The following PPM1G variants were observed in gnomAD, a reference collection of about 807,000 sequenced individuals.
PPM1G encodes the protein protein phosphatase, Mg2+/Mn2+ dependent 1G.
A neutral mutation model predicts 59.4 loss-of-function variants in PPM1G; 12 were observed. The observed-to-expected ratio is 0.20, with a 90% confidence interval of 0.13 to 0.33. PPM1G has a LOEUF of 0.33. PPM1G is among the 10% of genes least tolerant of loss of function. The pLI, the probability that PPM1G is intolerant of heterozygous loss-of-function variation, is 1.00. For missense variants in PPM1G, 392 were observed against 681.3 expected, an observed-to-expected ratio of 0.58 and a Z score of 4.73; for synonymous variants, 245 against 251.9, an observed-to-expected ratio of 0.97 and a Z score of 0.26.
In PPM1G at chr2:27,383,595, G is replaced by T. The variant is rs2148417683; in HGVS notation, c.972C>A (p.Gly324=). Residue 324 remains glycine, a synonymous_variant, in exon 7 of 10, where the codon GGC becomes GGA. Transcript: ENST00000344034. The surrounding 1 kb of genome is among the most constrained non-coding windows in gnomAD (Gnocchi z 5.0). ...CCACCGCTGTTGTACCACTGTCAGA[G>T]CCAGGCTTAAGAGGAAGAAAAGGAG... ...VPGMEGKEEP[G]SDSGTTAVVA... The T allele has an allele frequency of 6.2e-7, 1 of 1,612,176 alleles. No individual in the cohort carries two copies. The highest frequency in any genetic ancestry group is 1.7e-4 in the Middle Eastern group (1 of 6,058).
chr2:27,394,940 A>AATG (rs1684009419), intron 1 of PPM1G, among the ~76,000 whole-genome samples: 1 of 151,888 alleles, frequency 6.6e-6, no homozygotes, highest in Non-Finnish European at 1.5e-5. Flanking sequence ...TAATAATAAT[A>AATG]AAAATAAAAC....
chr2:27,384,252 C>A lies in PPM1G; in HGVS notation c.826-160G>T, dbSNP rs1266113329. ...AAATTGGGGGGATGGAAAGGGCTAGCATGAGTACAACTGACATCCTGAACT... is the reference window on the plus strand; with the variant it reads ...AAATTGGGGGGATGGAAAGGGCTAGAATGAGTACAACTGACATCCTGAACT... On this transcript the variant is annotated intron_variant, in intron 5 of 9. Transcript: ENST00000344034. The surrounding 1 kb of genome is among the most constrained non-coding windows in gnomAD (Gnocchi z 4.8). Among the ~76,000 whole-genome samples, 2 of 152,192 alleles carry A rather than the reference C, an allele frequency of 1.3e-5. No homozygotes were observed. Among genetic ancestry groups the A allele is most frequent in the African/African-American group, 4.8e-5 (2 of 41,442 alleles).
intron 1 of PPM1G, among the ~76,000 whole-genome samples, chr2:27,391,129 G>A (rs1315429946): frequency 6.6e-6 from 1 of 152,170 alleles, no homozygotes; most frequent in Non-Finnish European, 1.5e-5. Flanking sequence ...TATTGTGAAT[G>A]GTGCCACAAT....
intron 1 of PPM1G, among the ~76,000 whole-genome samples, chr2:27,409,004 G>A (rs796161524): frequency 2.0e-5 from 3 of 152,332 alleles, no homozygotes; most frequent in African/African-American, 7.2e-5. Context: ...TGAGCCTGGA[G>A]GGCTAGGTTG....
At position 27,383,049 on chromosome 2, in the gene PPM1G, T is replaced by G. The variant is rs1209438037; in HGVS notation, c.1201+317A>C. Among the ~76,000 whole-genome samples, 3 of 151,906 alleles carry G rather than the reference T, an allele frequency of 2.0e-5. No homozygotes were observed. Among genetic ancestry groups the G allele is most frequent in the Non-Finnish European group, 2.9e-5 (2 of 67,962 alleles). ...TGGGGTTTCACCATGTTGGCCAGGC[T>G]GGCCTCGAACTCCTGACCTCAGGCG... On this transcript the variant is annotated intron_variant, in intron 7 of 9. Coordinates refer to ENST00000344034, the MANE Select transcript of PPM1G (RefSeq NM_177983.3). This position sits in a 1 kb window ranked among gnomAD's most constrained non-coding sequence, Gnocchi z 5.0.
chr2:27,395,887 A>C (rs79699188), intron 1 of PPM1G, among the ~76,000 whole-genome samples: 2 of 152,094 alleles, frequency 1.3e-5, no homozygotes, highest in African/African-American at 2.4e-5. Context: ...TTAAAAAAAA[A>C]CAGATAATAA....
In PPM1G at chr2:27,384,137, C is replaced by G. The variant is rs1466775905; in HGVS notation, c.826-45G>C. ...AGACTGCTGAGACTGGGATGATCCC[C>G]TCCCTCCCCACAGCTCATACTCAGA... On this transcript the variant is annotated intron_variant, in intron 5 of 9. Transcript: ENST00000344034. The surrounding 1 kb of genome is among the most constrained non-coding windows in gnomAD (Gnocchi z 4.8). 6.2e-7 allele frequency: 1 copy of G among 1,612,800 alleles called. No homozygotes were observed. Among genetic ancestry groups the G allele is most frequent in the Non-Finnish European group, 8.5e-7 (1 of 1,179,466 alleles).
chr2:27,383,457 A>G lies in PPM1G; in HGVS notation c.1110T>C (p.Asp370=). 6.2e-7 allele frequency: 1 copy of G among 1,614,040 alleles called. No homozygotes were observed. ...LDMSYDHKPE[D]EVELARIKNA... is the part of the protein sequence containing the mutation. ...TCTTGATGCGTGCTAGTTCTACTTC[A>G]TCCTCTGGTTTGTGATCATAGGACA... is the stretch of plus-strand genomic sequence containing the variant. The change falls in exon 7 of 10, where the codon GAT becomes GAC. Residue 370 remains aspartate, a synonymous_variant. Coordinates refer to ENST00000344034, the MANE Select transcript of PPM1G (RefSeq NM_177983.3). The surrounding 1 kb of genome is among the most constrained non-coding windows in gnomAD (Gnocchi z 5.0).
At position 27,385,696 on chromosome 2, in the gene PPM1G, A is replaced by C; in HGVS notation, c.409+51T>G. On this transcript the variant is annotated intron_variant, in intron 4 of 9. Coordinates refer to ENST00000344034, the MANE Select transcript of PPM1G (RefSeq NM_177983.3). This position sits in a 1 kb window ranked among gnomAD's most constrained non-coding sequence, Gnocchi z 4.1. ...TTAGAATTGATAAGTAATATTAAAG[A>C]ATATTTCTTAAAATGCTGATTTCCC... 1 of 1,584,640 alleles carries C rather than the reference A, an allele frequency of 6.3e-7. No homozygotes were observed. The highest frequency in any genetic ancestry group is 8.6e-7 in the Non-Finnish European group (1 of 1,168,372).
intron 1 of PPM1G, among the ~76,000 whole-genome samples, chr2:27,407,546 C>T (rs1258925894): frequency 1.3e-5 from 2 of 152,014 alleles, no homozygotes; most frequent in Non-Finnish European, 1.5e-5. Context: ...GGATTACAGA[C>T]GTGAGCCACT....
At chr2:27,396,819 C>CAAACAAA (rs1684064517) in intron 1 of PPM1G, among the ~76,000 whole-genome samples, 1 of 125,384 alleles carries the variant, frequency 8.0e-6, no homozygotes, top group African/African-American at 3.1e-5. Flanking sequence ...CCGTCTCCAA[C>CAAACAAA]AAAAAAAAAA....
chr2:27,381,980 G>A (rs927723093), intron 9 of PPM1G, 146 bp downstream of exon 9: 9 of 1,014,038 alleles, frequency 8.9e-6, no homozygotes, highest in Non-Finnish European at 1.3e-5. Flanking sequence ...TCAGGGAAAT[G>A]ACAGAAGGTG....
At chr2:27,388,265 C>CTATT (rs1200993123) in intron 1 of PPM1G, among the ~76,000 whole-genome samples, 2 of 151,366 alleles carry the variant, frequency 1.3e-5, no homozygotes, top group Non-Finnish European at 2.9e-5. Flanking sequence ...AAAAATTAGC[C>CTATT]AGGCGTGGTG....
chr2:27,391,570 CTT>C (rs1302608197), intron 1 of PPM1G, among the ~76,000 whole-genome samples: 1 of 152,050 alleles, frequency 6.6e-6, no homozygotes. Context: ...GGATATTAGA[CTT>C]TTGTTGGATG....
At chr2:27,401,006 C>A (rs1307096417) in intron 1 of PPM1G, among the ~76,000 whole-genome samples, 4 of 152,168 alleles carry the variant, frequency 2.6e-5, no homozygotes, top group Non-Finnish European at 4.4e-5. Flanking sequence ...TCAAGTCCCT[C>A]TGGGCCAGGC....
At chr2:27,400,416 TA>T (rs2148426484) in intron 1 of PPM1G, among the ~76,000 whole-genome samples, 1 of 151,578 alleles carries the variant, frequency 6.6e-6, no homozygotes, top group East Asian at 1.9e-4. Flanking sequence ...AATAAAAAAT[TA>T]AAATTAAAAA....
chr2:27,392,625 G>A (rs771460835), intron 1 of PPM1G, among the ~76,000 whole-genome samples: 3 of 130,082 alleles, frequency 2.3e-5, no homozygotes. Context: ...GGGGGGGAGG[G>A]TACCAAATTT....
intron 3 of PPM1G, 136 bp downstream of exon 3, chr2:27,386,058 T>TTAAA: frequency 8.1e-7 from 1 of 1,235,670 alleles, no homozygotes; most frequent in East Asian, 2.3e-5. Context: ...GCCAATAAGC[T>TTAAA]CGTTTTAGGA....
intron 1 of PPM1G, among the ~76,000 whole-genome samples, chr2:27,396,144 C>T (rs948340391): frequency 3.3e-5 from 5 of 152,094 alleles, no homozygotes; most frequent in African/African-American, 1.2e-4. Flanking sequence ...TTGTGGCGAG[C>T]ACCTGTAATC....
Sources: allele counts gnomAD v4.1 joint callset (sites outside exome capture counted in the v4.1 genomes callset), GRCh38; gene constraint gnomAD v4.1.1; non-coding constraint Gnocchi (gnomAD v3.1); transcripts MANE v1.5; gene names NCBI Gene and HGNC (gene_info 2026-07-23, HGNC 2026-07-21).